Variants in LRRC9 observed in about 807,000 individuals in gnomAD.
The protein encoded by LRRC9 is leucine-rich repeat-containing protein 9.
LRRC9 carries 122 observed loss-of-function variants against 63.2 expected under a neutral mutation model. The observed-to-expected ratio is 1.93, with a 90% CI of 1.67 to 2.24. The LOEUF (loss-of-function observed/expected upper bound fraction) is 2.24, where lower values mean the gene tolerates loss of function less well. Among genes scored for constraint, LRRC9 ranks in the 30% most tolerant of loss-of-function variants. The pLI, the probability that LRRC9 is intolerant of heterozygous loss-of-function variation, is 0.00. For missense variants in LRRC9, 1,071 were observed against 627.7 expected (o/e 1.71, Z -7.55); for synonymous variants, 366 against 213.1 (o/e 1.72, Z -6.25).
intron 31 of LRRC9, chr14:60,062,109 T>C (rs572934993): frequency 2.3e-5 from 9 of 398,786 alleles, no homozygotes; most frequent in Non-Finnish European, 4.0e-5. Flanking sequence ...TATCTCTCCA[T>C]CTCTTTTATC....
chr14:59,993,459 A>T (rs1888393826), intron 17 of LRRC9, among the ~76,000 whole-genome samples: 1 of 152,226 alleles, frequency 6.6e-6, no homozygotes, highest in South Asian at 2.1e-4. Flanking sequence ...TTCACACATA[A>T]CAATATTAAA....
At chr14:60,030,908 T>C (rs897711951) in intron 28 of LRRC9, among the ~76,000 whole-genome samples, 3 of 152,120 alleles carry the variant, frequency 2.0e-5, no homozygotes, top group East Asian at 3.8e-4. Flanking sequence ...GTTTCCCTGA[T>C]GTCTCTTTAA....
At chr14:60,015,685 C>T (rs942662095) in intron 23 of LRRC9, among the ~76,000 whole-genome samples, 2 of 152,134 alleles carry the variant, frequency 1.3e-5, no homozygotes, top group Non-Finnish European at 2.9e-5. Flanking sequence ...ATTGATGCTC[C>T]ACAGATAACT....
intron 8 of LRRC9, among the ~76,000 whole-genome samples, chr14:59,945,962 A>T (rs1440238846): frequency 3.3e-5 from 5 of 151,886 alleles, no homozygotes; most frequent in Admixed American, 3.3e-4. Flanking sequence ...GTGACACACT[A>T]GATACCACTT....
intron 23 of LRRC9, among the ~76,000 whole-genome samples, chr14:60,016,332 T>A (rs1205627657): frequency 6.6e-6 from 1 of 152,112 alleles, no homozygotes; most frequent in Middle Eastern, 3.2e-3. Flanking sequence ...GCCTCCCACA[T>A]AGCTACAACT....
chr14:59,985,652 G>A (rs1887388333), intron 17 of LRRC9, among the ~76,000 whole-genome samples: 1 of 152,104 alleles, frequency 6.6e-6, no homozygotes, highest in Admixed American at 6.5e-5. Context: ...TTTGAAAAAA[G>A]AGCTGTCCTT....
intron 23 of LRRC9, among the ~76,000 whole-genome samples, chr14:60,009,639 TG>T (rs2140240782): frequency 6.6e-6 from 1 of 152,234 alleles, no homozygotes; most frequent in East Asian, 1.9e-4. Flanking sequence ...GCCTTCCCAA[TG>T]GTCCCCCAAC....
intron 19 of LRRC9, among the ~76,000 whole-genome samples, 180 bp from the exon 20 acceptor site, chr14:60,001,786 A>G (rs1226796103): frequency 6.6e-6 from 1 of 152,214 alleles, no homozygotes; most frequent in African/African-American, 2.4e-5. Context: ...TGCTAAAACA[A>G]GAAACAATGT....
intron 18 of LRRC9, among the ~76,000 whole-genome samples, chr14:59,998,771 A>T (rs1889061788): frequency 6.6e-6 from 1 of 152,082 alleles, no homozygotes; most frequent in Non-Finnish European, 1.5e-5. Flanking sequence ...ATCCATATTG[A>T]ATCACACATG....
At chr14:60,059,441 G>A (rs949440137) in intron 31 of LRRC9, among the ~76,000 whole-genome samples, 2 of 152,194 alleles carry the variant, frequency 1.3e-5, no homozygotes, top group Non-Finnish European at 2.9e-5. Context: ...AGCTTAGTGA[G>A]GAAGCCATGC....
rs73306052 is a variant in LRRC9 at position 60,004,085 on chromosome 14, C to A, written c.2842+287C>A. ...ATAAAAGATAAATAAAAAATTAAAA[C>A]GAGTTCATACCTATTAGTGGAATTC... On this transcript the variant is annotated intron_variant, in intron 21 of 31. Transcript: ENST00000445360. This position sits in a 1 kb window ranked among gnomAD's most constrained non-coding sequence, Gnocchi z 4.8. Among the ~76,000 whole-genome samples the A allele has an allele frequency of 3.9e-5, 6 of 152,038 alleles. No individual in the cohort carries two copies. Among genetic ancestry groups the A allele is most frequent in the Admixed American group, 2.0e-4 (3 of 15,256 alleles).
At chr14:60,032,703 T>C (rs1237328966) in intron 29 of LRRC9, among the ~76,000 whole-genome samples, 3 of 152,208 alleles carry the variant, frequency 2.0e-5, no homozygotes, top group Non-Finnish European at 2.9e-5. Flanking sequence ...AGGAGCATGT[T>C]ATCAGATCTC....
At position 59,923,068 on chromosome 14, in the gene LRRC9, C is replaced by T. The variant is rs183795027; in HGVS notation, c.-34+3185C>T. Among the ~76,000 whole-genome samples, 1 of 152,208 alleles carries T rather than the reference C, an allele frequency of 6.6e-6. No individual in the cohort carries two copies. The highest frequency in any genetic ancestry group is 1.9e-4 in the East Asian group (1 of 5,176). On this transcript the variant is annotated intron_variant, in intron 1 of 31. Coordinates refer to ENST00000445360, the Ensembl canonical transcript of LRRC9. The surrounding 1 kb of genome is among the most constrained non-coding windows in gnomAD (Gnocchi z 4.2). The stretch of plus-strand genomic sequence containing the variant: ...AAATGGGCCAGCCCTGAAAGAGCTT[C>T]GAAGAGCAGGAGAGTAGTTACAAGC...
chr14:60,002,121 A>C (rs1889427890), intron 20 of LRRC9, 21 bp downstream of exon 20: 2 of 685,302 alleles, frequency 2.9e-6, no homozygotes, highest in South Asian at 3.1e-5. Flanking sequence ...ATTCTATTAA[A>C]CCTAATATAA....
exon 32 of LRRC9, chr14:60,063,413 T>A: frequency 2.9e-6 from 2 of 692,054 alleles, no homozygotes; most frequent in African/African-American, 1.8e-5. Flanking sequence ...GTTTAGTAGT[T>A]GTACAAAAAC....
chr14:60,039,896 C>T (rs1892794229), intron 29 of LRRC9, among the ~76,000 whole-genome samples: 1 of 152,218 alleles, frequency 6.6e-6, no homozygotes, highest in African/African-American at 2.4e-5. Flanking sequence ...CTCCTGTGTA[C>T]ATTTAGTGCT....
chr14:59,999,024 A>C (rs1343193932), intron 18 of LRRC9, 77 bp from the exon 19 acceptor site: 1 of 540,056 alleles, frequency 1.9e-6, no homozygotes, highest in African/African-American at 1.9e-5. Flanking sequence ...ATTATATGGA[A>C]AGACATGAAA....
rs1219447711 is a variant in LRRC9, at chr14:59,938,984, TAC to T, written c.726+418_726+419del. ...ACACATATATACATATATACATATA[TAC>T]ACACATATATACATATACATATATA... On this transcript the variant is annotated intron_variant, in intron 7 of 31. Coordinates refer to ENST00000445360, the Ensembl canonical transcript of LRRC9. The surrounding 1 kb of genome is among the most constrained non-coding windows in gnomAD (Gnocchi z 4.2). Among the ~76,000 whole-genome samples, 48 of 142,892 alleles carry T rather than the reference TAC, an allele frequency of 3.4e-4. No homozygotes were observed. The highest frequency in any genetic ancestry group is 3.8e-3 in the Middle Eastern group (1 of 262). The allele number at this position is 142,892 out of a possible 152,430, so 93.7% of individuals were successfully genotyped here.
At chr14:60,013,210 A>G (rs1036916964) in intron 23 of LRRC9, among the ~76,000 whole-genome samples, 1 of 151,664 alleles carries the variant, frequency 6.6e-6, no homozygotes, top group Non-Finnish European at 1.5e-5. Flanking sequence ...ACATATAGAG[A>G]TATCTATGTC....
Sources: gnomAD v4.1 joint callset for allele counts (sites outside exome capture counted in the v4.1 genomes callset) on GRCh38, gnomAD v4.1.1 for gene constraint, Gnocchi (gnomAD v3.1) non-coding constraint, MANE v1.5 for transcripts, NCBI Gene and HGNC (gene_info 2026-07-23, HGNC 2026-07-21) for gene names.